Variants in TEKT5 observed in about 807,000 individuals in gnomAD.
TEKT5 encodes the protein tektin 5.
TEKT5 carries 52 observed loss-of-function variants against 48.7 expected under a neutral mutation model. The ratio of observed to expected loss-of-function variants is 1.07; its 90% CI spans 0.86 to 1.35. TEKT5 has a LOEUF of 1.35. Among genes scored for constraint, TEKT5 ranks in the 40% most tolerant of loss-of-function variants. The pLI is 0.00. For synonymous variants in TEKT5, 318 were observed against 267.6 expected (o/e 1.19, Z -1.84); for missense variants, 831 against 641.6 (o/e 1.30, Z -3.19).
chr16:10,635,870 T>G lies in TEKT5; in HGVS notation c.1135A>C (p.Arg379=). The G allele has an allele frequency of 6.2e-7, 1 of 1,614,136 alleles. No individual in the cohort carries two copies. The highest frequency in any genetic ancestry group is 1.1e-5 in the South Asian group (1 of 91,090). Residue 379 remains arginine, a synonymous_variant, in exon 6 of 7, where the codon AGG becomes CGG. Transcript: ENST00000283025. ...GGGCCCTCCTTGGCCATGATGGACC[T>G]TTCCAGCAGCATGATGGTGTTCTCG... ...QAENTIMLLE[R]SIMAKEGPLK...
intron 5 of TEKT5, among the ~76,000 whole-genome samples, chr16:10,649,299 T>A (rs1898116503): frequency 6.6e-6 from 1 of 151,682 alleles, no homozygotes; most frequent in Admixed American, 6.6e-5. Context: ...TTTGTAGAGA[T>A]GGGGTCTTGC....
chr16:10,632,875 C>CAT (rs1308816902), intron 6 of TEKT5, among the ~76,000 whole-genome samples: 3 of 113,476 alleles, frequency 2.6e-5, no homozygotes, highest in African/African-American at 7.7e-5. Flanking sequence ...TGCAGACACA[C>CAT]ACACACACAC....
intron 4 of TEKT5, among the ~76,000 whole-genome samples, chr16:10,676,968 G>C (rs1376277931): frequency 8.1e-6 from 1 of 124,074 alleles, no homozygotes. Context: ...CAGATCAGTT[G>C]AGTCCAGGAG....
intron 4 of TEKT5, 129 bp from the exon 5 acceptor site, chr16:10,676,310 T>C (rs933888892): frequency 6.8e-6 from 6 of 884,332 alleles, no homozygotes; most frequent in Non-Finnish European, 1.1e-5. Context: ...GTGCTTGGGA[T>C]GTTTAAGCAG....
intron 5 of TEKT5, among the ~76,000 whole-genome samples, chr16:10,648,110 G>A (rs776637692): frequency 2.1e-4 from 32 of 152,142 alleles, no homozygotes; most frequent in Non-Finnish European, 3.8e-4. Context: ...ATGGGTGGGG[G>A]ACAGGGCCAC....
chr16:10,640,196 G>A (rs1480541523), intron 5 of TEKT5, among the ~76,000 whole-genome samples: 2 of 143,532 alleles, frequency 1.4e-5, no homozygotes, highest in Non-Finnish European at 3.0e-5. Flanking sequence ...AGATTGAAGA[G>A]CAGTGGCAGG....
intron 5 of TEKT5, among the ~76,000 whole-genome samples, chr16:10,662,688 T>C (rs1898393652): frequency 6.6e-6 from 1 of 152,172 alleles, no homozygotes; most frequent in Non-Finnish European, 1.5e-5. Context: ...TCTTTTACCA[T>C]CCACAGCACT....
At chr16:10,690,187 C>T (rs1898943453) in intron 1 of TEKT5, 162 bp from the exon 2 acceptor site, 1 of 659,100 alleles carries the variant, frequency 1.5e-6, no homozygotes, top group South Asian at 2.0e-5. Context: ...TTCTGCCTCC[C>T]CTTCTCCCCG....
chr16:10,649,355 C>T (rs1036754692), intron 5 of TEKT5, among the ~76,000 whole-genome samples: 3 of 152,198 alleles, frequency 2.0e-5, no homozygotes, highest in African/African-American at 7.2e-5. Flanking sequence ...AAGCCATCCT[C>T]CTGCCTCAGC....
intron 6 of TEKT5, among the ~76,000 whole-genome samples, chr16:10,631,255 CAAAAA>C (rs557852936): frequency 3.3e-4 from 20 of 60,292 alleles, no homozygotes; most frequent in South Asian, 1.2e-3. Context: ...GACTCCATCT[CAAAAA>C]AAAAAAAAAA....
intron 5 of TEKT5, among the ~76,000 whole-genome samples, chr16:10,646,629 G>A (rs1012159667): frequency 5.3e-5 from 8 of 152,042 alleles, no homozygotes; most frequent in African/African-American, 1.7e-4. Context: ...CCTGGCTTCT[G>A]TATTAGCTTA....
intron 5 of TEKT5, among the ~76,000 whole-genome samples, chr16:10,668,430 G>A (rs1407063779): frequency 2.0e-5 from 3 of 152,168 alleles, no homozygotes; most frequent in Non-Finnish European, 4.4e-5. Context: ...CCAGGGCTGG[G>A]CCGGTTTTAG....
intron 6 of TEKT5, among the ~76,000 whole-genome samples, chr16:10,629,936 C>T (rs533575075): frequency 2.2e-4 from 34 of 152,164 alleles, no homozygotes; most frequent in African/African-American, 7.7e-4. Context: ...GAGGGGAGGA[C>T]TTTTTTTCTT....
chr16:10,658,922 TGGTC>T, intron 5 of TEKT5, among the ~76,000 whole-genome samples: 1 of 152,146 alleles, frequency 6.6e-6, no homozygotes, highest in Admixed American at 6.5e-5. Flanking sequence ...TTCACCATGT[TGGTC>T]AGGCTGGTCT....
intron 5 of TEKT5, among the ~76,000 whole-genome samples, chr16:10,662,811 G>A (rs1232078374): frequency 6.6e-6 from 1 of 152,190 alleles, no homozygotes; most frequent in Non-Finnish European, 1.5e-5. Context: ...TTTTTGTAAT[G>A]AGTCCTCAGT....
intron 5 of TEKT5, among the ~76,000 whole-genome samples, chr16:10,641,523 G>T (rs2541534): frequency 0.078 from 11,825 of 152,182 alleles, 1,396 homozygotes; most frequent in African/African-American, 0.25. Flanking sequence ...GAGTTGGGCA[G>T]TAATATCACA....
intron 5 of TEKT5, among the ~76,000 whole-genome samples, chr16:10,662,294 G>T (rs941653414): frequency 1.3e-5 from 2 of 152,208 alleles, no homozygotes; most frequent in Non-Finnish European, 2.9e-5. Flanking sequence ...TTTGAGAACT[G>T]CTGCTTTAGA....
chr16:10,663,940 A>G (rs539385317), intron 5 of TEKT5, among the ~76,000 whole-genome samples: 1 of 152,214 alleles, frequency 6.6e-6, no homozygotes, highest in East Asian at 1.9e-4. Context: ...AGGCCAGCAC[A>G]TGCATCAGCT....
intron 5 of TEKT5, among the ~76,000 whole-genome samples, chr16:10,639,494 C>T (rs1897961319): frequency 6.6e-6 from 1 of 152,124 alleles, no homozygotes; most frequent in African/African-American, 2.4e-5. Flanking sequence ...CCTTGGGCAT[C>T]CATGTCCTTA....
Sources: allele counts gnomAD v4.1 joint callset (sites outside exome capture counted in the v4.1 genomes callset), GRCh38; gene constraint gnomAD v4.1.1; transcripts MANE v1.5; gene names NCBI Gene and HGNC (gene_info 2026-07-23, HGNC 2026-07-21).